QTMAN: variants seen among roughly 807,000 people sequenced by gnomAD.
QTMAN encodes queuosine-tRNA mannosyltransferase.
At chr2:144,001,589 A>C in the QTMAN span, among the ~76,000 whole-genome samples, 2 of 151,916 alleles carry the variant, frequency 1.3e-5, no homozygotes, top group African/African-American at 4.8e-5. Flanking sequence ...CTACTCTAAT[A>C]ATTTCAAACT....
the QTMAN span, among the ~76,000 whole-genome samples, chr2:144,097,226 A>T: frequency 6.6e-6 from 1 of 152,218 alleles, no homozygotes; most frequent in African/African-American, 2.4e-5. Flanking sequence ...TCTATCTGCT[A>T]ACACATTTAC....
the QTMAN span, among the ~76,000 whole-genome samples, chr2:144,064,511 G>A: frequency 1.1e-4 from 17 of 152,270 alleles, no homozygotes; most frequent in Middle Eastern, 3.4e-3. Context: ...AGCTCTGCCT[G>A]CCGTTTCTCT....
At chr2:144,218,744 A>G in the QTMAN span, among the ~76,000 whole-genome samples, 1 of 152,152 alleles carries the variant, frequency 6.6e-6, no homozygotes, top group Non-Finnish European at 1.5e-5. Flanking sequence ...TCAACGTCCT[A>G]TTTGAAGTAC....
At chr2:144,172,062 A>G in the QTMAN span, among the ~76,000 whole-genome samples, 1 of 152,160 alleles carries the variant, frequency 6.6e-6, no homozygotes, top group African/African-American at 2.4e-5. Flanking sequence ...ATCTTATGAC[A>G]TAAAAAGTAT....
the QTMAN span, among the ~76,000 whole-genome samples, chr2:144,181,146 A>G: frequency 6.6e-6 from 1 of 152,226 alleles, no homozygotes; most frequent in East Asian, 1.9e-4. Context: ...ATTTAGTCAC[A>G]AGACTATTAC....
chr2:144,182,808 A>ATATTATATATATAAT, the QTMAN span, among the ~76,000 whole-genome samples: 2 of 52,526 alleles, frequency 3.8e-5, no homozygotes, highest in Non-Finnish European at 6.8e-5. Context: ...TTATATATAT[A>ATATTATATATATAAT]ATATATATAT....
chr2:144,197,784 C>T, the QTMAN span, among the ~76,000 whole-genome samples: 1 of 152,166 alleles, frequency 6.6e-6, no homozygotes, highest in Non-Finnish European at 1.5e-5. Context: ...TATTTAGAAT[C>T]CAATGATCAT....
the QTMAN span, among the ~76,000 whole-genome samples, chr2:143,991,422 G>C: frequency 6.0e-5 from 9 of 150,842 alleles, no homozygotes; most frequent in Admixed American, 2.0e-4. Context: ...TGCCCCGTCC[G>C]GGAGGGAGGT....
the QTMAN span, among the ~76,000 whole-genome samples, chr2:144,307,584 T>G: frequency 6.6e-6 from 1 of 152,246 alleles, no homozygotes. Context: ...CAAGATCATA[T>G]ATAGAGAGCA....
the QTMAN span, among the ~76,000 whole-genome samples, chr2:144,083,597 G>A: frequency 6.6e-6 from 1 of 152,180 alleles, no homozygotes; most frequent in African/African-American, 2.4e-5. Flanking sequence ...TACTGGAGGA[G>A]GATAGGAAGG....
chr2:144,208,312 T>C, the QTMAN span, among the ~76,000 whole-genome samples: 1 of 152,138 alleles, frequency 6.6e-6, no homozygotes, highest in East Asian at 1.9e-4. Context: ...TCTACTGTTC[T>C]CTCAGGCCAA....
At chr2:144,285,363 G>A in the QTMAN span, among the ~76,000 whole-genome samples, 1 of 152,062 alleles carries the variant, frequency 6.6e-6, no homozygotes, top group Non-Finnish European at 1.5e-5. Flanking sequence ...CCTGCCTAAT[G>A]ATAATATCTG....
the QTMAN span, among the ~76,000 whole-genome samples, chr2:143,951,276 C>G: frequency 6.6e-6 from 1 of 151,472 alleles, no homozygotes; most frequent in African/African-American, 2.4e-5. Context: ...ACTCATAAAG[C>G]AGATTTATCC....
At chr2:144,195,536 G>A in the QTMAN span, among the ~76,000 whole-genome samples, 1 of 152,084 alleles carries the variant, frequency 6.6e-6, no homozygotes, top group Admixed American at 6.6e-5. Context: ...AAAACTGATT[G>A]AAAGAAGACA....
chr2:144,257,277 A>G, the QTMAN span, among the ~76,000 whole-genome samples: 1 of 152,124 alleles, frequency 6.6e-6, no homozygotes, highest in African/African-American at 2.4e-5. Flanking sequence ...AGATTTCCCT[A>G]AAATTTGAAT....
At chr2:144,266,339 G>T in the QTMAN span, among the ~76,000 whole-genome samples, 5 of 152,188 alleles carry the variant, frequency 3.3e-5, no homozygotes, top group Non-Finnish European at 7.4e-5. Flanking sequence ...TTGTAAAAAA[G>T]AATCAGAGCT....
the QTMAN span, among the ~76,000 whole-genome samples, chr2:144,268,901 T>A: frequency 2.6e-5 from 4 of 152,290 alleles, no homozygotes; most frequent in South Asian, 6.2e-4. Context: ...GCGATCCTTC[T>A]GCCCCAGCCT....
chr2:144,115,009 A>G, the QTMAN span, among the ~76,000 whole-genome samples: 1 of 152,146 alleles, frequency 6.6e-6, no homozygotes, highest in Non-Finnish European at 1.5e-5. Flanking sequence ...TGGGTGGATC[A>G]CTTTAAGTCA....
the QTMAN span, among the ~76,000 whole-genome samples, chr2:144,063,593 A>G: frequency 1.3e-5 from 2 of 152,208 alleles, no homozygotes; most frequent in Non-Finnish European, 2.9e-5. Flanking sequence ...TATTAAAAAT[A>G]TCTAAGAGTA....
Sources: gnomAD v4.1 joint callset for allele counts (sites outside exome capture counted in the v4.1 genomes callset) on GRCh38, gnomAD v4.1.1 for gene constraint, MANE v1.5 for transcripts, NCBI Gene and HGNC (gene_info 2026-07-23, HGNC 2026-07-21) for gene names.